The following EFCAB11 variants were observed in gnomAD, a reference collection of about 807,000 sequenced individuals.
EFCAB11 encodes the protein EF-hand calcium-binding domain-containing protein 11.
In EFCAB11, 14 loss-of-function variants were observed where a neutral mutation model predicts 23.0. The ratio of observed to expected loss-of-function variants is 0.61; its 90% confidence interval spans 0.40 to 0.95. The LOEUF (loss-of-function observed/expected upper bound fraction) is 0.95. EFCAB11 is among the 40% of genes least tolerant of loss of function. EFCAB11 has a pLI of 0.00. For synonymous variants in EFCAB11, 65 were observed against 66.6 expected (o/e 0.98, Z 0.11); for missense variants, 198 against 195.8 (o/e 1.01, Z -0.07).
At position 89,952,011 on chromosome 14, in the gene EFCAB11, C is replaced by T. The variant is rs571285060; in HGVS notation, c.172-1869G>A. On this transcript the variant is annotated intron_variant, in intron 2 of 5. Coordinates refer to ENST00000316738, the MANE Select transcript of EFCAB11 (RefSeq NM_145231.4). ...AAGTATTTTATTGCTTCATGACCTG[C>T]AGTCAGTGAATATTTCATTTGCTCA... is the stretch of plus-strand genomic sequence containing the variant. 1.1e-4 allele frequency among the ~76,000 whole-genome samples: 16 copies of T among 152,276 alleles called. No individual in the cohort carries two copies. In the South Asian group the frequency reaches 3.3e-3, roughly 32 times the overall value.
intron 5 of EFCAB11, among the ~76,000 whole-genome samples, chr14:89,913,938 C>T (rs533652848): frequency 3.3e-4 from 50 of 152,176 alleles, no homozygotes; most frequent in Non-Finnish European, 6.2e-4. Context: ...CATCTTCAGG[C>T]TCTCTGGGAA....
intron 5 of EFCAB11, among the ~76,000 whole-genome samples, chr14:89,929,310 A>G (rs1180787680): frequency 6.6e-6 from 1 of 152,068 alleles, no homozygotes; most frequent in Admixed American, 6.6e-5. Context: ...TTGGCCTCCT[A>G]AAGTGCTAGG....
intron 5 of EFCAB11, among the ~76,000 whole-genome samples, chr14:89,812,697 C>T (rs1006470367): frequency 2.2e-4 from 34 of 152,134 alleles, no homozygotes; most frequent in Non-Finnish European, 7.4e-5. Context: ...GATTACTTAA[C>T]AAAGGATCAT....
intron 5 of EFCAB11, among the ~76,000 whole-genome samples, chr14:89,887,850 C>T (rs2140184444): frequency 6.6e-6 from 1 of 152,294 alleles, no homozygotes; most frequent in Admixed American, 6.5e-5. Context: ...CACGTGTTAA[C>T]ACTCGCATTT....
intron 5 of EFCAB11, among the ~76,000 whole-genome samples, chr14:89,846,151 G>T (rs1156252082): frequency 6.6e-6 from 1 of 152,168 alleles, no homozygotes; most frequent in Non-Finnish European, 1.5e-5. Flanking sequence ...TTAGCGCAGT[G>T]GCTAGCATGT....
chr14:89,935,451 G>A lies in EFCAB11; in HGVS notation c.218-2824C>T, dbSNP rs60503801. ...GGGTCTTGCTCTCTTGCCCAGGCTG[G>A]AGTGCAAAGGCTAGTCACAGGCATG... is the stretch of plus-strand genomic sequence containing the variant. On this transcript the variant is annotated intron_variant, in intron 3 of 5. Coordinates refer to ENST00000316738, the MANE Select transcript of EFCAB11 (RefSeq NM_145231.4). Among the ~76,000 whole-genome samples the A allele has an allele frequency of 5.0e-3, 752 of 149,980 alleles. 10 individuals are homozygous for A. Among genetic ancestry groups the A allele is most frequent in the African/African-American group, 0.018 (731 of 40,652 alleles).
intron 5 of EFCAB11, among the ~76,000 whole-genome samples, chr14:89,890,881 C>T (rs1888944016): frequency 6.6e-6 from 1 of 152,218 alleles, no homozygotes; most frequent in South Asian, 2.1e-4. Flanking sequence ...CACAGGATAA[C>T]TTTCCCACAT....
At chr14:89,952,498 A>G (rs1442838288) in intron 2 of EFCAB11, 1 of 985,304 alleles carries the variant, frequency 1.0e-6, no homozygotes, top group African/African-American at 1.7e-5. Context: ...GAGAGCTGCC[A>G]TTTCTAAGAG....
chr14:89,914,127 C>T (rs935225392), intron 5 of EFCAB11, among the ~76,000 whole-genome samples: 8 of 152,164 alleles, frequency 5.3e-5, no homozygotes, highest in African/African-American at 1.2e-4. Flanking sequence ...CCAGGGTAGA[C>T]GGGCAAATAT....
chr14:89,874,581 G>A (rs956539630), intron 5 of EFCAB11, among the ~76,000 whole-genome samples: 1 of 152,148 alleles, frequency 6.6e-6, no homozygotes, highest in African/African-American at 2.4e-5. Context: ...CTTTGTGAAT[G>A]AATAAAGTGG....
chr14:89,888,996 T>C (rs1474966495), intron 5 of EFCAB11, among the ~76,000 whole-genome samples: 1 of 152,162 alleles, frequency 6.6e-6, no homozygotes, highest in Non-Finnish European at 1.5e-5. Flanking sequence ...AGTAAATTAG[T>C]GGTCAAGGAC....
At chr14:89,945,925 AT>A (rs536209858) in intron 3 of EFCAB11, among the ~76,000 whole-genome samples, 22 of 127,936 alleles carry the variant, frequency 1.7e-4, no homozygotes, top group East Asian at 2.2e-4. Context: ...TTTTTTTTTT[AT>A]TTTTTTTTTT....
rs1018436735 is a variant in EFCAB11 at position 89,911,376 on chromosome 14, G to C, written c.410+20165C>G. On this transcript the variant is annotated intron_variant, in intron 5 of 5. Coordinates refer to ENST00000316738, the MANE Select transcript of EFCAB11 (RefSeq NM_145231.4). The stretch of plus-strand genomic sequence containing the variant: ...CTGCAGGCACTGCCGAGTGACAAGG[G>C]GGGTTTGGGGGTGGAGAGGCAGTAG... 7.2e-5 allele frequency among the ~76,000 whole-genome samples: 11 copies of C among 152,196 alleles called. No individual in the cohort carries two copies. In the East Asian group the frequency reaches 1.9e-3, roughly 27 times the overall value.
chr14:89,939,311 T>C (rs1486730846), intron 3 of EFCAB11, among the ~76,000 whole-genome samples: 1 of 152,128 alleles, frequency 6.6e-6, no homozygotes, highest in Non-Finnish European at 1.5e-5. Context: ...GAAGAGTAGA[T>C]TCTGTTAATG....
At chr14:89,932,843 T>C (rs1030635385) in intron 3 of EFCAB11, among the ~76,000 whole-genome samples, 9 of 152,186 alleles carry the variant, frequency 5.9e-5, no homozygotes, top group Admixed American at 2.0e-4. Context: ...TAGAAATCAA[T>C]AGTGAAAACA....
chr14:89,854,613 A>C (rs569376776), intron 5 of EFCAB11, among the ~76,000 whole-genome samples: 2 of 152,282 alleles, frequency 1.3e-5, no homozygotes, highest in South Asian at 4.1e-4. Flanking sequence ...ACCTCAATGC[A>C]CATTTCTTGA....
At chr14:89,892,054 G>A in intron 5 of EFCAB11, 1 of 1,539,670 alleles carries the variant, frequency 6.5e-7, no homozygotes, top group South Asian at 1.2e-5. Context: ...GGAATGTGGT[G>A]GGTGTCCTGC....
chr14:89,891,935 G>A (rs1888982286), intron 5 of EFCAB11, among the ~76,000 whole-genome samples: 1 of 152,060 alleles, frequency 6.6e-6, no homozygotes, highest in Non-Finnish European at 1.5e-5. Flanking sequence ...GGTGGGCGCC[G>A]AGTGCTACCG....
At chr14:89,909,736 T>C (rs916888490) in intron 5 of EFCAB11, among the ~76,000 whole-genome samples, 3 of 152,158 alleles carry the variant, frequency 2.0e-5, no homozygotes, top group Admixed American at 2.0e-4. Context: ...TCATCTCTCG[T>C]TCCACCCACC....
Sources: allele counts gnomAD v4.1 joint callset (sites outside exome capture counted in the v4.1 genomes callset), GRCh38; gene constraint gnomAD v4.1.1; transcripts MANE v1.5; gene names NCBI Gene and HGNC (gene_info 2026-07-23, HGNC 2026-07-21).